The following ERC2 variants were observed in gnomAD, a reference collection of about 807,000 sequenced individuals.
ERC2 encodes ERC protein 2.
A neutral mutation model predicts 114.8 loss-of-function variants in ERC2; 42 were observed. The observed-to-expected ratio is 0.37, with a 90% CI of 0.29 to 0.47. The LOEUF (loss-of-function observed/expected upper bound fraction) is 0.47, where lower values mean the gene tolerates loss of function less well. ERC2 is among the 20% of genes least tolerant of loss of function. ERC2 has a pLI of 0.99. For missense variants in ERC2, 939 were observed against 1,150.7 expected (o/e 0.82, Z 2.66); for synonymous variants, 454 against 425.5 (o/e 1.07, Z -0.82).
chr3:56,380,994 T>C (rs937563306), intron 2 of ERC2, among the ~76,000 whole-genome samples: 4 of 152,200 alleles, frequency 2.6e-5, no homozygotes, highest in Non-Finnish European at 5.9e-5. Flanking sequence ...TCCATTTGCG[T>C]CAATGTCTTT....
At chr3:55,818,203 C>T (rs146498736) in intron 14 of ERC2, among the ~76,000 whole-genome samples, 26 of 152,274 alleles carry the variant, frequency 1.7e-4, no homozygotes, top group South Asian at 4.1e-4. Flanking sequence ...TTATGCAACA[C>T]GGATTCTGTG....
In ERC2 at chr3:55,512,951, G is replaced by T. The variant is rs111609974; in HGVS notation, c.*40-1675C>A. ...TAGAAATGCAGATGATCCCTTCTGG[G>T]GGGGCAAAGAAGCATATGCTTTAAA... On this transcript the variant is annotated intron_variant, in intron 17 of 17. Transcript: ENST00000288221. Among the ~76,000 whole-genome samples, 1,140 of 152,326 alleles carry T rather than the reference G, an allele frequency of 7.5e-3. 19 individuals are homozygous for T. The highest frequency in any genetic ancestry group is 0.026 in the African/African-American group (1,068 of 41,574).
intron 6 of ERC2, among the ~76,000 whole-genome samples, chr3:56,131,077 G>C (rs990395479): frequency 5.3e-5 from 8 of 152,146 alleles, no homozygotes; most frequent in African/African-American, 1.7e-4. Context: ...AATGCACATA[G>C]ACGAGGTGGT....
chr3:55,626,283 A>G (rs1273282368), intron 17 of ERC2, among the ~76,000 whole-genome samples: 3 of 152,144 alleles, frequency 2.0e-5, no homozygotes, highest in Non-Finnish European at 1.5e-5. Flanking sequence ...AAGCCACACA[A>G]TCAAAGGAGG....
chr3:56,216,260 GAAGAA>G (rs2049462764), intron 3 of ERC2, among the ~76,000 whole-genome samples: 1 of 152,044 alleles, frequency 6.6e-6, no homozygotes, highest in South Asian at 2.1e-4. Context: ...GACTAATAAA[GAAGAA>G]AAGAGAGAAG....
chr3:56,268,198 T>C (rs2053446390), intron 3 of ERC2, among the ~76,000 whole-genome samples: 1 of 152,186 alleles, frequency 6.6e-6, no homozygotes, highest in Admixed American at 6.5e-5. Context: ...CACCATTGCA[T>C]TACAATTGCC....
At chr3:55,514,709 C>T (rs1297047463) in intron 17 of ERC2, among the ~76,000 whole-genome samples, 1 of 152,144 alleles carries the variant, frequency 6.6e-6, no homozygotes, top group Non-Finnish European at 1.5e-5. Context: ...ATGAATTCTG[C>T]CAAAAACCCG....
intron 17 of ERC2, among the ~76,000 whole-genome samples, chr3:55,576,310 A>C (rs1295589444): frequency 7.7e-6 from 1 of 129,626 alleles, no homozygotes; most frequent in Non-Finnish European, 1.7e-5. Flanking sequence ...ACTCCATCTC[A>C]AAAAAAAAAA....
chr3:56,467,794 G>A (rs1238604620), intron 1 of ERC2, among the ~76,000 whole-genome samples: 1 of 151,318 alleles, frequency 6.6e-6, no homozygotes, highest in Non-Finnish European at 1.5e-5. Context: ...CCGGGCGGGG[G>A]CTCCACCTTT....
rs1318263302 is a variant in ERC2, at chr3:56,446,625, C to CTTTTTT, written c.-140-11479_-140-11478insAAAAAA. 6.2e-5 allele frequency among the ~76,000 whole-genome samples: 7 copies of CTTTTTT among 112,358 alleles called. 1 individual carries two copies. Among genetic ancestry groups the CTTTTTT allele is most frequent in the Non-Finnish European group, 7.1e-5 (4 of 56,666 alleles). The allele number at this position is 112,358 out of a possible 152,430, so 73.7% of individuals were successfully genotyped here. ...CGCATTTTCTTCTTTTTTTTTTTTT[C>CTTTTTT]TTTCTTTTTTTTTTTTTTGAGACGG... On this transcript the variant is annotated intron_variant, in intron 1 of 17. Transcript: ENST00000288221.
In ERC2 at chr3:56,032,885, A is replaced by AAG. The variant is rs1193357850; in HGVS notation, c.1642-13856_1642-13855dup. Among the ~76,000 whole-genome samples, 4 of 79,270 alleles carry AAG rather than the reference A, an allele frequency of 5.0e-5. No individual in the cohort carries two copies. The East Asian group carries it at 1.3e-3, about 25-fold the overall frequency. 52.0% of individuals were successfully genotyped at this position (79,270 alleles called of 152,430 possible). ...AAAGAAAGAAAGAAAGAAAGAAAGAAAGAGAGAGAGAGAGACAGAAAGAAA... is the reference window on the plus strand; with the variant it reads ...AAAGAAAGAAAGAAAGAAAGAAAGAAAGAGAGAGAGAGAGAGACAGAAAGAAA... On this transcript the variant is annotated intron_variant, in intron 7 of 17. Transcript: ENST00000288221.
At chr3:56,053,294 G>A (rs538407895) in intron 7 of ERC2, among the ~76,000 whole-genome samples, 1 of 152,320 alleles carries the variant, frequency 6.6e-6, no homozygotes, top group African/African-American at 2.4e-5. Context: ...GAAAAGAGGT[G>A]TAAGTGAGCA....
At chr3:55,529,876 C>A (rs2053563787) in intron 17 of ERC2, among the ~76,000 whole-genome samples, 2 of 152,142 alleles carry the variant, frequency 1.3e-5, no homozygotes, top group South Asian at 4.2e-4. Flanking sequence ...GCCTGGGAGA[C>A]CTGAGTTCTA....
intron 14 of ERC2, among the ~76,000 whole-genome samples, chr3:55,788,368 G>A (rs890831591): frequency 2.6e-5 from 4 of 152,270 alleles, no homozygotes; most frequent in African/African-American, 9.6e-5. Flanking sequence ...CCATGTGCTA[G>A]GAAAGGGCCT....
Position 56,323,303 on chromosome 3 carries a change from G to A in ERC2, c.658-26868C>T, listed in dbSNP as rs367711326. ...AAAGGAAAAACCACCCAAAACGATAGAGGAAATAATGCTTGGAGCTCACAC... is the reference window on the plus strand; with the variant it reads ...AAAGGAAAAACCACCCAAAACGATAAAGGAAATAATGCTTGGAGCTCACAC... On this transcript the variant is annotated intron_variant, in intron 2 of 17. Transcript: ENST00000288221. Among the ~76,000 whole-genome samples, 56 of 152,332 alleles carry A rather than the reference G, an allele frequency of 3.7e-4. No individual in the cohort carries two copies. The East Asian group carries it at 6.6e-3, about 18-fold the overall frequency.
chr3:55,592,730 A>T (rs987121495), intron 17 of ERC2, among the ~76,000 whole-genome samples: 36 of 152,156 alleles, frequency 2.4e-4, no homozygotes, highest in African/African-American at 8.7e-4. Flanking sequence ...TAAAAGCCAA[A>T]CCAAATACGT....
At chr3:55,706,286 C>A (rs1172135023) in intron 15 of ERC2, among the ~76,000 whole-genome samples, 2 of 152,186 alleles carry the variant, frequency 1.3e-5, no homozygotes, top group Admixed American at 6.5e-5. Context: ...TGTATCACTG[C>A]CCCATTCTCT....
chr3:55,771,615 A>C lies in ERC2; in HGVS notation c.2565-36697T>G, dbSNP rs113741786. Among the ~76,000 whole-genome samples the C allele has an allele frequency of 8.2e-3, 1,243 of 152,330 alleles. 15 individuals carry two copies. Among genetic ancestry groups the C allele is most frequent in the African/African-American group, 0.028 (1,167 of 41,572 alleles). On this transcript the variant is annotated intron_variant, in intron 14 of 17. Transcript: ENST00000288221. Reference sequence around the variant, plus strand: ...GCAGAAATGCTGAGGCATAAACCCCACTAGGCTGGCTGACTGCAGGCACAA... The same window carrying C: ...GCAGAAATGCTGAGGCATAAACCCCCCTAGGCTGGCTGACTGCAGGCACAA...
chr3:56,354,811 A>C (rs2058682445), intron 2 of ERC2, among the ~76,000 whole-genome samples: 1 of 152,202 alleles, frequency 6.6e-6, no homozygotes, highest in Non-Finnish European at 1.5e-5. Context: ...TCAATGATTA[A>C]CACATTCCCT....
Sources: allele counts gnomAD v4.1 joint callset (sites outside exome capture counted in the v4.1 genomes callset), GRCh38; gene constraint gnomAD v4.1.1; transcripts MANE v1.5; gene names NCBI Gene and HGNC (gene_info 2026-07-23, HGNC 2026-07-21).